The following ADGRG1 variants were observed in gnomAD, a reference collection of about 807,000 sequenced individuals.
The protein encoded by ADGRG1 is 7-transmembrane protein with no EGF-like N-terminal domains-1.
A neutral mutation model predicts 73.5 loss-of-function variants in ADGRG1; 53 were observed. The ratio of observed to expected loss-of-function variants is 0.72; its 90% confidence interval spans 0.58 to 0.91. ADGRG1 has a LOEUF of 0.91. Among genes scored for constraint, ADGRG1 ranks in the 40% least tolerant of loss-of-function variants. The probability of loss-of-function intolerance (pLI) is 0.00; values close to 1 mark genes in which losing one functional copy is unlikely to be tolerated. For synonymous variants in ADGRG1, 394 were observed against 374.4 expected, an observed-to-expected ratio of 1.05 and a Z score of -0.60; for missense variants, 795 against 871.8, an observed-to-expected ratio of 0.91 and a Z score of 1.11.
rs2040850914 is a variant in ADGRG1 at position 57,641,585 on chromosome 16, A to C, written c.-35-8668A>C. 7.2e-6 allele frequency: 4 copies of C among 557,106 alleles called. No individual in the cohort carries two copies. In the South Asian group the frequency reaches 2.6e-4, roughly 36 times the overall value. The allele number at this position is 557,106 out of a possible 1,614,324, so 34.5% of individuals were successfully genotyped here. The stretch of plus-strand genomic sequence containing the variant: ...AAGTCCTTTTTTTTTTTTTTTTTTG[A>C]GACAGGGTCTCGCTCTGTCACACAG... On this transcript the variant is annotated intron_variant, in intron 1 of 13. Transcript: ENST00000562631.
At chr16:57,646,789 C>A in intron 1 of ADGRG1, 1 of 852,898 alleles carries the variant, frequency 1.2e-6, no homozygotes, top group Non-Finnish European at 1.4e-6. Flanking sequence ...AGCAGTGAGA[C>A]CCGTATCACA....
chr16:57,639,727 C>T (rs1025820623), intron 1 of ADGRG1: 1 of 904,120 alleles, frequency 1.1e-6, no homozygotes. Flanking sequence ...CCTGCTCCCT[C>T]TCCCTGCTCC....
chr16:57,633,227 C>T (rs1000355747), intron 1 of ADGRG1: 59 of 727,590 alleles, frequency 8.1e-5, no homozygotes, highest in Non-Finnish European at 9.1e-5. Flanking sequence ...AAGTATGTAC[C>T]TAGCACAGTG....
chr16:57,625,532 C>A (rs2035672630), upstream of ADGRG1: 1 of 983,116 alleles, frequency 1.0e-6, no homozygotes, highest in South Asian at 4.7e-5. Context: ...CCATCCGGAC[C>A]CAACTTCCCC....
At position 57,651,323 on chromosome 16, in the gene ADGRG1, A is replaced by G; in HGVS notation, c.188A>G (p.Glu63Gly). 1 of 1,614,040 alleles carries G rather than the reference A, an allele frequency of 6.2e-7. No individual in the cohort carries two copies. Among genetic ancestry groups the G allele is most frequent in the South Asian group, 1.1e-5 (1 of 91,054 alleles). Residue 63 changes from glutamate to glycine, a missense_variant, in exon 3 of 14, where the codon GAG (glutamate) becomes GGG (glycine). By Grantham distance (98) the Glu-to-Gly change is moderately conservative. Transcript: ENST00000562631. ...CGCATCTCCATCGAGAACTCCGAAG[A>G]GGCCCTCACAGTCCATGCCCCTTTC... ...DLRISIENSEEALTVHAPFPA... is the reference protein window; with the variant it reads ...DLRISIENSEGALTVHAPFPA...
chr16:57,663,421 C>T, intron 13 of ADGRG1, 31 bp from the exon 14 acceptor site: 1 of 1,612,906 alleles, frequency 6.2e-7, no homozygotes, highest in South Asian at 1.1e-5. Flanking sequence ...GGCTCCCCCA[C>T]CTGCTGACCC....
upstream of ADGRG1, chr16:57,627,786 C>T (rs184692565): frequency 1.0e-6 from 1 of 985,416 alleles, no homozygotes; most frequent in African/African-American, 1.7e-5. Context: ...TCCAAAGCCT[C>T]CTGACTCGAG....
At chr16:57,635,751 A>T in intron 1 of ADGRG1, 1 of 985,350 alleles carries the variant, frequency 1.0e-6, no homozygotes, top group Non-Finnish European at 1.2e-6. Context: ...TTGCCAGGGC[A>T]TGCAGGACAA....
At chr16:57,633,374 G>A in intron 1 of ADGRG1, 2 of 985,370 alleles carry the variant, frequency 2.0e-6, no homozygotes, top group Non-Finnish European at 2.4e-6. Context: ...CATTACTTGG[G>A]CTGTGAAAGT....
intron 1 of ADGRG1, among the ~76,000 whole-genome samples, chr16:57,638,431 C>T (rs1286481108): frequency 8.5e-5 from 13 of 152,134 alleles, no homozygotes; most frequent in Non-Finnish European, 1.5e-4. Flanking sequence ...GAAGCTCTGC[C>T]TCTATTTTCC....
chr16:57,645,090 T>C, intron 1 of ADGRG1: 1 of 985,352 alleles, frequency 1.0e-6, no homozygotes. Context: ...CCTGTGTAAC[T>C]CGCAGGAGTT....
At chr16:57,662,079 C>T (rs2148614247) in intron 13 of ADGRG1, 114 bp downstream of exon 13, 2 of 873,776 alleles carry the variant, frequency 2.3e-6, no homozygotes, top group South Asian at 2.7e-5. Flanking sequence ...CTCAGTCATC[C>T]CATTCATAAA....
intron 1 of ADGRG1, chr16:57,630,402 C>T (rs1162166211): frequency 2.3e-5 from 23 of 985,746 alleles, no homozygotes; most frequent in Admixed American, 6.1e-5. Context: ...GATATGCACC[C>T]ACCTTGGTCA....
chr16:57,631,193 G>A, intron 1 of ADGRG1: 1 of 986,832 alleles, frequency 1.0e-6, no homozygotes, highest in Non-Finnish European at 1.2e-6. Context: ...GGAAGGACAG[G>A]AGAGAGGTGG....
chr16:57,657,441 C>A lies in ADGRG1; in HGVS notation c.1236C>A (p.Val412=). The part of the protein sequence containing the change: ...YLSLLSYVGC[V]VSALACLVTI... ...GCCTCCTCTCCTACGTGGGCTGTGT[C>A]GTCTCTGCCCTGGCCTGCCTTGTCA... The change falls in exon 10 of 14, where the codon GTC becomes GTA. Residue 412 remains valine (V), a synonymous_variant. Transcript: ENST00000562631. 6.2e-7 allele frequency: 1 copy of A among 1,614,142 alleles called. No individual in the cohort carries two copies. Among genetic ancestry groups the A allele is most frequent in the Non-Finnish European group, 8.5e-7 (1 of 1,179,984 alleles).
intron 1 of ADGRG1, chr16:57,631,903 C>A (rs56041137): frequency 1.1e-6 from 1 of 945,784 alleles, no homozygotes; most frequent in Non-Finnish European, 1.2e-6. Flanking sequence ...GTAGAGGGGC[C>A]AAGGGTTGGG....
chr16:57,662,418 G>A (rs1187482367), intron 13 of ADGRG1, among the ~76,000 whole-genome samples: 2 of 152,108 alleles, frequency 1.3e-5, no homozygotes, highest in African/African-American at 4.8e-5. Context: ...GAGATGGGGG[G>A]GCCTCCCTAC....
At chr16:57,624,930 C>T (rs2035544395), upstream of ADGRG1, 4 of 153,864 alleles carry the variant, frequency 2.6e-5, no homozygotes, top group South Asian at 8.2e-4. Context: ...ATAGAAGGTG[C>T]TATTTTGGTC....
At chr16:57,641,416 A>G in intron 1 of ADGRG1, 1 of 980,218 alleles carries the variant, frequency 1.0e-6, no homozygotes, top group Non-Finnish European at 1.2e-6. Flanking sequence ...CCCCAGGAGC[A>G]TAAGCTGAAC....
Sources: gnomAD v4.1 joint callset for allele counts (sites outside exome capture counted in the v4.1 genomes callset) on GRCh38, gnomAD v4.1.1 for gene constraint, MANE v1.5 for transcripts, NCBI Gene and HGNC (gene_info 2026-07-23, HGNC 2026-07-21) for gene names.